The following SLC35E1 variants were observed in gnomAD, a reference collection of about 807,000 sequenced individuals.
SLC35E1 encodes solute carrier family 35, member E1.
A neutral mutation model predicts 31.0 loss-of-function variants in SLC35E1; 12 were observed. The ratio of observed to expected loss-of-function variants is 0.39; its 90% CI spans 0.25 to 0.63. The LOEUF (loss-of-function observed/expected upper bound fraction) is 0.63, where lower values mean the gene tolerates loss of function less well. Among genes scored for constraint, SLC35E1 ranks in the 20% least tolerant of loss-of-function variants. SLC35E1 has a pLI of 0.52. For synonymous variants in SLC35E1, 257 were observed against 264.1 expected, an observed-to-expected ratio of 0.97 and a Z score of 0.26; for missense variants, 429 against 572.2, an observed-to-expected ratio of 0.75 and a Z score of 2.55.
At chr19:16,559,538 A>G (rs1024091804) in intron 4 of SLC35E1, among the ~76,000 whole-genome samples, 1 of 151,284 alleles carries the variant, frequency 6.6e-6, no homozygotes, top group Non-Finnish European at 1.5e-5. Flanking sequence ...GTGTAGTCCC[A>G]GCTACTCAAG....
chr19:16,568,013 G>A lies in SLC35E1; in HGVS notation c.630+19C>T, dbSNP rs982590000. ...CACCCCTGAAACCCCATGCATGTCC[G>A]CTGATGGTGACCAAATACCTTTTTG... On this transcript the variant is annotated intron_variant, in intron 3 of 5. Coordinates refer to ENST00000595753, the MANE Select transcript of SLC35E1 (RefSeq NM_024881.5). 39 of 1,596,420 alleles carry A rather than the reference G, an allele frequency of 2.4e-5. No individual in the cohort carries two copies. The highest frequency in any genetic ancestry group is 3.1e-5 in the Non-Finnish European group (36 of 1,170,420).
chr19:16,572,039 G>T lies in SLC35E1; in HGVS notation c.326C>A (p.Pro109Gln). The T allele has an allele frequency of 6.5e-7, 1 of 1,541,194 alleles. No homozygotes were observed. The highest frequency in any genetic ancestry group is 8.7e-7 in the Non-Finnish European group (1 of 1,143,456). The change falls in exon 1 of 6, where the codon CCG (proline) becomes CAG (glutamine). Residue 109 changes from proline to glutamine, a missense_variant. Physicochemically the swap from Pro to Gln is moderately conservative, Grantham distance 76 (BLOSUM62 -1). Coordinates refer to ENST00000595753, the MANE Select transcript of SLC35E1 (RefSeq NM_024881.5). This position sits in a 1 kb window ranked among gnomAD's most constrained non-coding sequence, Gnocchi z 4.1. ...GAAGGCGAGCGGTAGCACGTAGCGC[G>T]GGTAGAAGCGCGGCGGCAGCAGCGG... ...SGPLLPPRFY[P>Q]RYVLPLAFGK...
At chr19:16,563,704 C>T (rs146363181) in intron 4 of SLC35E1, among the ~76,000 whole-genome samples, 99 of 152,298 alleles carry the variant, frequency 6.5e-4, no homozygotes, top group African/African-American at 2.3e-3. Flanking sequence ...TGGTTTCGAA[C>T]TCCTGGCCTC....
chr19:16,571,885 C>G, intron 1 of SLC35E1, 59 bp downstream of exon 1: 1 of 1,497,208 alleles, frequency 6.7e-7, no homozygotes, highest in Non-Finnish European at 9.0e-7. Context: ...CCTATCCATG[C>G]GCCCAAACCC....
intron 2 of SLC35E1, among the ~76,000 whole-genome samples, chr19:16,570,025 GGAAT>G (rs908530538): frequency 1.8e-4 from 27 of 152,348 alleles, no homozygotes; most frequent in Admixed American, 1.5e-3. Context: ...CCTGAGATCA[GGAAT>G]GATGACTACT....
Position 16,551,920 on chromosome 19 carries a change from A to C in SLC35E1, c.*1759T>G, listed in dbSNP as rs2085847644. Reference sequence around the variant, plus strand: ...CAGGCAGGTGCCACCATGCCTGGCTAATTTTTGTTTTAGTAGAGATGGGGT... The same window carrying C: ...CAGGCAGGTGCCACCATGCCTGGCTCATTTTTGTTTTAGTAGAGATGGGGT... On this transcript the variant is annotated 3_prime_UTR_variant, in exon 6 of 6. Coordinates refer to ENST00000595753, the MANE Select transcript of SLC35E1 (RefSeq NM_024881.5). 1 of 151,658 alleles carries C rather than the reference A, an allele frequency of 6.6e-6. No homozygotes were observed. The highest frequency in any genetic ancestry group is 6.6e-5 in the Admixed American group (1 of 15,210). 9.4% of individuals were successfully genotyped at this position (151,658 alleles called of 1,614,324 possible). A position where few individuals can be genotyped will look rare whatever the true frequency, so the allele number is the denominator to read the frequency against.
chr19:16,553,531 G>C lies in SLC35E1; in HGVS notation c.*148C>G. ...GGCAACGCATCCTCCTGCGGCTCAC[G>C]GGGGGCCAGGAACCCCAGGGCTTCT... On this transcript the variant is annotated 3_prime_UTR_variant, in exon 6 of 6. Transcript: ENST00000595753. 1 of 679,636 alleles carries C rather than the reference G, an allele frequency of 1.5e-6. No individual in the cohort carries two copies. Among genetic ancestry groups the C allele is most frequent in the Non-Finnish European group, 2.2e-6 (1 of 448,638 alleles). 42.1% of individuals were successfully genotyped at this position (679,636 alleles called of 1,614,324 possible). A position where few individuals can be genotyped will look rare whatever the true frequency, so the allele number is the denominator to read the frequency against.
At chr19:16,569,149 T>C (rs542877583) in intron 2 of SLC35E1, among the ~76,000 whole-genome samples, 3 of 152,096 alleles carry the variant, frequency 2.0e-5, no homozygotes, top group Non-Finnish European at 2.9e-5. Context: ...CTCAGCTTTC[T>C]GAGTAGCTGG....
chr19:16,567,554 T>C (rs1599321878), intron 3 of SLC35E1, among the ~76,000 whole-genome samples: 1 of 152,146 alleles, frequency 6.6e-6, no homozygotes, highest in East Asian at 1.9e-4. Flanking sequence ...ATTAACTTTA[T>C]AATAGAAAAA....
At chr19:16,554,667 A>C (rs897605517) in intron 5 of SLC35E1, among the ~76,000 whole-genome samples, 2 of 151,938 alleles carry the variant, frequency 1.3e-5, no homozygotes, top group African/African-American at 4.8e-5. Context: ...CTAAAAATAC[A>C]AAAATTAGCC....
chr19:16,554,775 G>A (rs1225155144), intron 5 of SLC35E1, among the ~76,000 whole-genome samples: 1 of 148,110 alleles, frequency 6.8e-6, no homozygotes, highest in African/African-American at 2.5e-5. Flanking sequence ...CTGGGATGGA[G>A]CGCCACTGCA....
At chr19:16,568,970 G>A (rs971215712) in intron 2 of SLC35E1, among the ~76,000 whole-genome samples, 6 of 151,290 alleles carry the variant, frequency 4.0e-5, no homozygotes, top group Non-Finnish European at 8.8e-5. Flanking sequence ...GGAGGCTCCT[G>A]TGCTGTGCTC....
chr19:16,572,112 C>CG lies in SLC35E1; in HGVS notation c.252dup (p.Ala85ArgfsTer103). 2.0e-6 allele frequency: 3 copies of CG among 1,511,468 alleles called. No individual in the cohort carries two copies. The highest frequency in any genetic ancestry group is 2.2e-5 in the Admixed American group (1 of 45,812). The allele number at this position is 1,511,468 out of a possible 1,614,324, so 93.6% of individuals were successfully genotyped here. A position where few individuals can be genotyped will look rare whatever the true frequency, so the allele number is the denominator to read the frequency against. ...GGTCCGGGGCCCGAGACGGGCGGCG[C>CG]GGGGGGCACGCGCCAGGCGCGCAGC... On this transcript the variant is annotated frameshift_variant, in exon 1 of 6. Transcript: ENST00000595753. LOFTEE classifies it high-confidence loss of function. The surrounding 1 kb of genome is among the most constrained non-coding windows in gnomAD (Gnocchi z 4.1).
chr19:16,560,717 C>T (rs1213872398), intron 4 of SLC35E1, among the ~76,000 whole-genome samples: 1 of 148,662 alleles, frequency 6.7e-6, no homozygotes, highest in African/African-American at 2.5e-5. Flanking sequence ...CAAAAATTAG[C>T]CAGGAGTGGT....
chr19:16,568,671 C>T (rs921652475), intron 2 of SLC35E1, among the ~76,000 whole-genome samples: 1 of 152,168 alleles, frequency 6.6e-6, no homozygotes, highest in African/African-American at 2.4e-5. Context: ...GCTGGGATTA[C>T]AGGGATGTGC....
At chr19:16,557,601 C>T (rs2085881410) in intron 4 of SLC35E1, among the ~76,000 whole-genome samples, 1 of 152,178 alleles carries the variant, frequency 6.6e-6, no homozygotes, top group South Asian at 2.1e-4. Flanking sequence ...TCCTCCTAAA[C>T]CTGGCAACCA....
chr19:16,571,563 G>C lies in SLC35E1; in HGVS notation c.441C>G (p.Ile147Met). The stretch of plus-strand genomic sequence containing the variant: ...TGATCCGGGACAGGAGGACCACCCA[G>C]ATGGGCATGGTGGCCTTGACTGCAA... ...YAHTVKATMP[I>M]WVVLLSRIIM... Residue 147 changes from isoleucine to methionine, a missense_variant, in exon 2 of 6, where the codon ATC (isoleucine) becomes ATG (methionine). By Grantham distance (10) the Ile-to-Met change is conservative. Coordinates refer to ENST00000595753, the MANE Select transcript of SLC35E1 (RefSeq NM_024881.5). 6.2e-7 allele frequency: 1 copy of C among 1,613,984 alleles called. No individual in the cohort carries two copies. The highest frequency in any genetic ancestry group is 2.2e-5 in the East Asian group (1 of 44,880).
Position 16,552,193 on chromosome 19 carries a change from T to G in SLC35E1, c.*1486A>C, listed in dbSNP as rs1007951998. ...ACCAAAACACTGTGGTCTTGTCTAT[T>G]ATACAAAATATTGAGATAATGTTCA... On this transcript the variant is annotated 3_prime_UTR_variant, in exon 6 of 6. Transcript: ENST00000595753. The G allele has an allele frequency of 6.6e-6, 1 of 152,150 alleles. No homozygotes were observed. The highest frequency in any genetic ancestry group is 2.4e-5 in the African/African-American group (1 of 41,426). The allele number at this position is 152,150 out of a possible 1,614,324, so 9.4% of individuals were successfully genotyped here. A position where few individuals can be genotyped will look rare whatever the true frequency, so the allele number is the denominator to read the frequency against.
In SLC35E1 at chr19:16,549,838, T is replaced by A. The variant is rs1037244194; in HGVS notation, c.*3841A>T. Reference sequence around the variant, plus strand: ...CTGACAAATCGGGACCAATTTTGATTCCCTGGAAACCATCATTTATTTTTG... The same window carrying A: ...CTGACAAATCGGGACCAATTTTGATACCCTGGAAACCATCATTTATTTTTG... On this transcript the variant is annotated 3_prime_UTR_variant, in exon 6 of 6. Transcript: ENST00000595753. The A allele has an allele frequency of 6.6e-6, 1 of 152,182 alleles. No homozygotes were observed. The highest frequency in any genetic ancestry group is 2.4e-5 in the African/African-American group (1 of 41,444). 9.4% of individuals were successfully genotyped at this position (152,182 alleles called of 1,614,324 possible).
Sources: gnomAD v4.1 joint callset for allele counts (sites outside exome capture counted in the v4.1 genomes callset) on GRCh38, gnomAD v4.1.1 for gene constraint, Gnocchi (gnomAD v3.1) non-coding constraint, MANE v1.5 for transcripts, NCBI Gene and HGNC (gene_info 2026-07-23, HGNC 2026-07-21) for gene names.